The following DAPK1 variants were observed in gnomAD, a reference collection of about 807,000 sequenced individuals.
The protein encoded by DAPK1 is death-associated protein kinase 1.
Under a neutral mutation model 144.9 loss-of-function variants are expected in DAPK1, and 56 were observed. That is an observed-to-expected ratio of 0.39 (90% CI 0.31 to 0.48). DAPK1 has a LOEUF of 0.48. Ranked by LOEUF, DAPK1 falls within the 20% of genes least tolerant of loss-of-function variation. The pLI is 0.95. For missense variants in DAPK1, 1,454 were observed against 1,875.4 expected (o/e 0.78, Z 4.15); for synonymous variants, 690 against 749.0 (o/e 0.92, Z 1.29).
chr9:87,662,564 T>TG lies in DAPK1; in HGVS notation c.1923+4437_1923+4438insG, dbSNP rs1564056323. On this transcript the variant is annotated intron_variant, in intron 18 of 25. Coordinates refer to ENST00000408954, the MANE Select transcript of DAPK1 (RefSeq NM_004938.4). ...CCTTGGTTAAATATATTCCTAGTTT[T>TG]TTTTTTTTTTTTTTTTTTTTTGGTA... Among the ~76,000 whole-genome samples the TG allele has an allele frequency of 5.2e-4, 61 of 116,250 alleles. 1 individual carries two copies. Among genetic ancestry groups the TG allele is most frequent in the African/African-American group, 1.7e-3 (53 of 31,274 alleles). 76.3% of individuals were successfully genotyped at this position (116,250 alleles called of 152,430 possible). A position where few individuals can be genotyped will look rare whatever the true frequency, so the allele number is the denominator to read the frequency against.
rs559932798 is a variant in DAPK1 at position 87,691,900 on chromosome 9, A to G, written c.2414-5107A>G. Among the ~76,000 whole-genome samples the G allele has an allele frequency of 1.5e-3, 229 of 152,100 alleles. 1 individual carries two copies. Among genetic ancestry groups the G allele is most frequent in the African/African-American group, 5.2e-3 (217 of 41,522 alleles). ...TTGTTGAGACTTTTCATGTGTCCTG[A>G]TATATGTTCTATCCTGGAGAATGTT... On this transcript the variant is annotated intron_variant, in intron 21 of 25. Transcript: ENST00000408954.
At chr9:87,567,712 A>C in intron 2 of DAPK1, among the ~76,000 whole-genome samples, 1 of 152,134 alleles carries the variant, frequency 6.6e-6, no homozygotes, top group East Asian at 1.9e-4. Context: ...TGTTGCACTC[A>C]TAGGGCTACC....
intron 3 of DAPK1, among the ~76,000 whole-genome samples, chr9:87,608,048 C>T (rs1450053432): frequency 1.3e-5 from 2 of 152,120 alleles, no homozygotes; most frequent in African/African-American, 4.8e-5. Flanking sequence ...AAGTGCTACA[C>T]ACTTTGAGAC....
intron 2 of DAPK1, among the ~76,000 whole-genome samples, chr9:87,557,427 T>C (rs1826758686): frequency 6.6e-6 from 1 of 152,216 alleles, no homozygotes. Context: ...ACAGCTTTCT[T>C]CCTGTGATTC....
At chr9:87,582,863 A>G (rs971174912) in intron 2 of DAPK1, among the ~76,000 whole-genome samples, 4 of 151,896 alleles carry the variant, frequency 2.6e-5, no homozygotes, top group African/African-American at 9.7e-5. Flanking sequence ...AGTTCTCCCT[A>G]GTTCTAATGG....
intron 2 of DAPK1, among the ~76,000 whole-genome samples, chr9:87,528,443 C>G (rs112695234): frequency 2.0e-5 from 3 of 151,958 alleles, no homozygotes; most frequent in Non-Finnish European, 4.4e-5. Context: ...GTCTCGAGCT[C>G]CTGACCTCAG....
intron 16 of DAPK1, chr9:87,650,509 TGTAAAAAG>T (rs1339370538): frequency 4.3e-6 from 1 of 231,998 alleles, no homozygotes; most frequent in East Asian, 1.3e-4. Flanking sequence ...TCCGCTGTGT[TGTAAAAAG>T]ACAATAAACC....
Position 87,497,893 on chromosome 9 carries a change from G to C in DAPK1, c.-323G>C, listed in dbSNP as rs1027725291. The C allele has an allele frequency of 3.5e-5, 14 of 395,140 alleles. No individual in the cohort carries two copies. The highest frequency in any genetic ancestry group is 5.3e-5 in the Non-Finnish European group (12 of 224,396). 24.5% of individuals were successfully genotyped at this position (395,140 alleles called of 1,614,324 possible). A position where few individuals can be genotyped will look rare whatever the true frequency, so the allele number is the denominator to read the frequency against. On this transcript the variant is annotated 5_prime_UTR_variant, in exon 1 of 26. Coordinates refer to ENST00000408954, the MANE Select transcript of DAPK1 (RefSeq NM_004938.4). The stretch of plus-strand genomic sequence containing the variant: ...CTTCGGAGTGTGAGGAGGACAGCCG[G>C]ACCGAGCCAACGCCGGGGACTTTGT...
At chr9:87,572,681 AG>A (rs200118762) in intron 2 of DAPK1, among the ~76,000 whole-genome samples, 1,616 of 152,240 alleles carry the variant, frequency 0.011, 13 homozygotes, top group South Asian at 0.022. Context: ...ATCCACCAAG[AG>A]TGAAGGCTCC....
chr9:87,520,924 A>G (rs962931798), intron 2 of DAPK1, among the ~76,000 whole-genome samples: 3 of 152,252 alleles, frequency 2.0e-5, no homozygotes, highest in Non-Finnish European at 4.4e-5. Flanking sequence ...CATTCAGCCA[A>G]TGTAGGCTCA....
chr9:87,518,005 G>A (rs34568292), intron 2 of DAPK1, among the ~76,000 whole-genome samples: 92,643 of 151,514 alleles, frequency 0.61, 28,630 homozygotes, highest in South Asian at 0.83. Context: ...CCCATAGCAC[G>A]GGTAGTGGGT....
intron 18 of DAPK1, among the ~76,000 whole-genome samples, chr9:87,658,392 A>T (rs895198754): frequency 1.3e-5 from 2 of 151,980 alleles, no homozygotes; most frequent in Admixed American, 6.6e-5. Context: ...TTTGTTTTTC[A>T]TGTCACACAC....
chr9:87,615,569 G>A (rs1006775410), intron 3 of DAPK1, among the ~76,000 whole-genome samples: 1 of 152,240 alleles, frequency 6.6e-6, no homozygotes, highest in East Asian at 1.9e-4. Flanking sequence ...AAAATGTAGG[G>A]TAGAACGTTC....
intron 2 of DAPK1, among the ~76,000 whole-genome samples, chr9:87,572,832 A>G (rs1337327017): frequency 6.6e-6 from 1 of 151,708 alleles, no homozygotes; most frequent in African/African-American, 2.4e-5. Context: ...ACAGCCTAAC[A>G]CTGTAGGTCT....
In DAPK1 at chr9:87,505,961, T is replaced by C. The variant is rs142568822; in HGVS notation, c.62+6822T>C. ...TCTCGGCCTCCCAAAGTGCTGGGAT[T>C]ATAAGCGTCAGCCTCTCGCTGTGCC... On this transcript the variant is annotated intron_variant, in intron 2 of 25. Transcript: ENST00000408954. Among the ~76,000 whole-genome samples the C allele has an allele frequency of 2.7e-3, 405 of 152,310 alleles. 3 individuals are homozygous for C. The highest frequency in any genetic ancestry group is 0.02 in the Middle Eastern group (6 of 294).
At chr9:87,510,823 G>T (rs1168112052) in intron 2 of DAPK1, among the ~76,000 whole-genome samples, 1 of 144,222 alleles carries the variant, frequency 6.9e-6, no homozygotes, top group Non-Finnish European at 1.5e-5. Context: ...ACTTCTGTGA[G>T]ATTTAGTTTT....
At chr9:87,542,007 C>A (rs534208888) in intron 2 of DAPK1, among the ~76,000 whole-genome samples, 1 of 152,258 alleles carries the variant, frequency 6.6e-6, no homozygotes, top group South Asian at 2.1e-4. Context: ...TTGTTTTAGA[C>A]CCTGAATTTA....
chr9:87,671,624 C>G (rs541226619), intron 19 of DAPK1, among the ~76,000 whole-genome samples: 2 of 152,154 alleles, frequency 1.3e-5, no homozygotes, highest in African/African-American at 4.8e-5. Context: ...CCTCAGCCTC[C>G]CAAGTAGCTA....
intron 2 of DAPK1, among the ~76,000 whole-genome samples, chr9:87,561,409 C>A (rs1366446132): frequency 6.6e-6 from 1 of 151,928 alleles, no homozygotes; most frequent in African/African-American, 2.4e-5. Flanking sequence ...GCCTGTGGTC[C>A]CAGCTACTCG....
Sources: gnomAD v4.1 joint callset for allele counts (sites outside exome capture counted in the v4.1 genomes callset) on GRCh38, gnomAD v4.1.1 for gene constraint, MANE v1.5 for transcripts, NCBI Gene and HGNC (gene_info 2026-07-23, HGNC 2026-07-21) for gene names.